PRRC1: variants seen among roughly 807,000 people sequenced by gnomAD.
PRRC1 encodes protein PRRC1.
Under a neutral mutation model 40.7 loss-of-function variants are expected in PRRC1, and 39 were observed. That is an observed-to-expected ratio of 0.96 (90% CI 0.74 to 1.25). PRRC1 has a LOEUF of 1.25. Among genes scored for constraint, PRRC1 ranks in the 50% most tolerant of loss-of-function variants. The pLI is 0.00. For synonymous variants in PRRC1, 175 were observed against 193.3 expected (o/e 0.91, Z 0.79); for missense variants, 573 against 548.3 (o/e 1.05, Z -0.45).
At position 127,553,258 on chromosome 5, in the gene PRRC1, T is replaced by C. The variant is rs1768439245; in HGVS notation, c.*1342T>C. The C allele has an allele frequency of 2.0e-6, 2 of 987,240 alleles. No homozygotes were observed. The highest frequency in any genetic ancestry group is 9.3e-5 in the South Asian group (2 of 21,400). 61.2% of individuals were successfully genotyped at this position (987,240 alleles called of 1,614,324 possible). A position where few individuals can be genotyped will look rare whatever the true frequency, so the allele number is the denominator to read the frequency against. ...AGGTATCAGGTTTGCTTTGTGTTAA[T>C]GCCACTTCAAGTCATTATTTGGTTT... is the stretch of plus-strand genomic sequence containing the variant. On this transcript the variant is annotated 3_prime_UTR_variant, in exon 9 of 9. Coordinates refer to ENST00000296666, the MANE Select transcript of PRRC1 (RefSeq NM_130809.5).
chr5:127,546,851 A>G (rs916152549), intron 7 of PRRC1, among the ~76,000 whole-genome samples: 4 of 152,182 alleles, frequency 2.6e-5, no homozygotes, highest in African/African-American at 2.4e-5. Flanking sequence ...GTAAAATACA[A>G]AATATCTATT....
In PRRC1 at chr5:127,554,108, C is replaced by T; in HGVS notation, c.*2192C>T. 4.0e-6 allele frequency: 2 copies of T among 495,564 alleles called. No individual in the cohort carries two copies. The highest frequency in any genetic ancestry group is 2.7e-5 in the South Asian group (1 of 37,034). 30.7% of individuals were successfully genotyped at this position (495,564 alleles called of 1,614,324 possible). On this transcript the variant is annotated 3_prime_UTR_variant, in exon 9 of 9. Coordinates refer to ENST00000296666, the MANE Select transcript of PRRC1 (RefSeq NM_130809.5). ...TGTAAAAGGGGCAAGAAAAGTAACTCATCATCTCTAACACACCATGGCAGC... is the reference window on the plus strand; with the variant it reads ...TGTAAAAGGGGCAAGAAAAGTAACTTATCATCTCTAACACACCATGGCAGC...
intron 7 of PRRC1, among the ~76,000 whole-genome samples, chr5:127,541,607 G>C (rs902499439): frequency 1.3e-5 from 2 of 152,210 alleles, no homozygotes; most frequent in African/African-American, 4.8e-5. Flanking sequence ...TCTTGGGAGA[G>C]TGTATGTATC....
At chr5:127,546,237 G>T (rs1446925092) in intron 7 of PRRC1, among the ~76,000 whole-genome samples, 1 of 152,116 alleles carries the variant, frequency 6.6e-6, no homozygotes, top group Non-Finnish European at 1.5e-5. Flanking sequence ...CTTACATAGA[G>T]TTCTTACCTT....
At chr5:127,540,561 T>G (rs888876309) in intron 7 of PRRC1, among the ~76,000 whole-genome samples, 3 of 152,168 alleles carry the variant, frequency 2.0e-5, no homozygotes, top group African/African-American at 7.2e-5. Context: ...AGTTCAGAGC[T>G]GCTCACTACC....
chr5:127,525,805 A>T (rs1247176739), intron 3 of PRRC1, among the ~76,000 whole-genome samples: 1 of 152,212 alleles, frequency 6.6e-6, no homozygotes, highest in African/African-American at 2.4e-5. Context: ...ATGTCAGAAA[A>T]TTCCAAAATT....
intron 7 of PRRC1, among the ~76,000 whole-genome samples, chr5:127,546,654 A>G (rs1306269538): frequency 6.6e-6 from 1 of 152,216 alleles, no homozygotes; most frequent in East Asian, 1.9e-4. Context: ...CTGGCATCAT[A>G]GAAAAAACTT....
intron 6 of PRRC1, among the ~76,000 whole-genome samples, chr5:127,538,803 CCAA>C (rs948467294): frequency 7.7e-4 from 117 of 151,982 alleles, no homozygotes; most frequent in African/African-American, 2.8e-3. Context: ...ACAATAGCAA[CCAA>C]CATCATAATG....
intron 7 of PRRC1, among the ~76,000 whole-genome samples, chr5:127,546,493 A>G (rs114696316): frequency 2.0e-5 from 3 of 152,274 alleles, no homozygotes; most frequent in African/African-American, 4.8e-5. Flanking sequence ...ACAAAACTCT[A>G]GAGTCTTTAA....
Position 127,553,682 on chromosome 5 carries a change from C to T in PRRC1, c.*1766C>T, listed in dbSNP as rs985778847. 8.1e-6 allele frequency: 12 copies of T among 1,478,514 alleles called. No homozygotes were observed. The highest frequency in any genetic ancestry group is 7.4e-5 in the Admixed American group (3 of 40,734). 91.6% of individuals were successfully genotyped at this position (1,478,514 alleles called of 1,614,324 possible). On this transcript the variant is annotated 3_prime_UTR_variant, in exon 9 of 9. Transcript: ENST00000296666. ...TCCCTCCTATTATAAGGAAATCTTA[C>T]AGATTCTAAAAATACCTTAATTTTT... is the stretch of plus-strand genomic sequence containing the variant.
At position 127,554,818 on chromosome 5, in the gene PRRC1, GT is replaced by G. The variant is rs765501747; in HGVS notation, c.*2904del. 7 of 152,542 alleles carry G rather than the reference GT, an allele frequency of 4.6e-5. No individual in the cohort carries two copies. The highest frequency in any genetic ancestry group is 6.5e-5 in the Admixed American group (1 of 15,272). 9.4% of individuals were successfully genotyped at this position (152,542 alleles called of 1,614,324 possible). A position where few individuals can be genotyped will look rare whatever the true frequency, so the allele number is the denominator to read the frequency against. Reference sequence around the variant, plus strand: ...TTATGCAAGTTAGTAATTACTCAGGGTTAACTAAATTACTTTAATATGCTGT... The same window carrying G: ...TTATGCAAGTTAGTAATTACTCAGGGTAACTAAATTACTTTAATATGCTGT... On this transcript the variant is annotated 3_prime_UTR_variant, in exon 9 of 9. Transcript: ENST00000296666.
At chr5:127,538,992 A>C in intron 6 of PRRC1, 48 bp from the exon 7 acceptor site, 1 of 1,311,126 alleles carries the variant, frequency 7.6e-7, no homozygotes, top group East Asian at 2.3e-5. Context: ...AGTATATTTA[A>C]TATGTAATAA....
At chr5:127,548,567 T>G (rs1768289126) in intron 8 of PRRC1, 1 of 151,988 alleles carries the variant, frequency 6.6e-6, no homozygotes, top group Non-Finnish European at 1.5e-5. Flanking sequence ...CTATTGACTT[T>G]TTTCTGTCAA....
At chr5:127,546,364 A>G (rs1369457670) in intron 7 of PRRC1, among the ~76,000 whole-genome samples, 2 of 152,094 alleles carry the variant, frequency 1.3e-5, no homozygotes, top group Admixed American at 1.3e-4. Flanking sequence ...ATCCTCATCT[A>G]CTGATTCCAA....
chr5:127,547,014 T>C (rs1447764070), intron 7 of PRRC1, among the ~76,000 whole-genome samples: 1 of 152,174 alleles, frequency 6.6e-6, no homozygotes, highest in Non-Finnish European at 1.5e-5. Flanking sequence ...TTTGAATGTG[T>C]AAATAAAAGT....
At chr5:127,525,953 T>C (rs1211890650) in intron 3 of PRRC1, among the ~76,000 whole-genome samples, 1 of 152,174 alleles carries the variant, frequency 6.6e-6, no homozygotes, top group Admixed American at 6.5e-5. Context: ...CAGAAACAAA[T>C]AAAACCTCAT....
In PRRC1 at chr5:127,539,040, G is replaced by A. The variant is rs759570070; in HGVS notation, c.922G>A (p.Gly308Ser). The A allele has an allele frequency of 1.5e-5, 24 of 1,611,444 alleles. No homozygotes were observed. The highest frequency in any genetic ancestry group is 1.9e-5 in the Non-Finnish European group (22 of 1,177,972). ...TCTAACCTCTGCCATTGTTGTTTAG[G>A]GTGCTCAGGAACGGATAGATAGCTT... ...QPVGYAAGLK[G>S]AQERIDSLRR... Residue 308 changes from glycine to serine, a missense_variant and splice_region_variant, in exon 7 of 9, where the codon GGT (glycine) becomes AGT (serine). Gly to Ser is a moderately conservative substitution (Grantham distance 56). Coordinates refer to ENST00000296666, the MANE Select transcript of PRRC1 (RefSeq NM_130809.5).
chr5:127,523,746 T>TTG (rs1767528423), intron 2 of PRRC1, 164 bp downstream of exon 2: 1 of 440,288 alleles, frequency 2.3e-6, no homozygotes, highest in Non-Finnish European at 4.0e-6. Flanking sequence ...AAAGAAAGTC[T>TTG]TGTGTATTTA....
intron 8 of PRRC1, chr5:127,550,974 C>T (rs905712703): frequency 2.6e-5 from 4 of 151,842 alleles, no homozygotes; most frequent in Non-Finnish European, 5.9e-5. Context: ...AACTGGATAT[C>T]GTTAAAAAAG....
Sources: gnomAD v4.1 joint callset for allele counts (sites outside exome capture counted in the v4.1 genomes callset) on GRCh38, gnomAD v4.1.1 for gene constraint, MANE v1.5 for transcripts, NCBI Gene and HGNC (gene_info 2026-07-23, HGNC 2026-07-21) for gene names.